The following PDE1A variants were observed in gnomAD, a reference collection of about 807,000 sequenced individuals.
The protein encoded by PDE1A is phosphodiesterase 1A.
Under a neutral mutation model 61.7 loss-of-function variants are expected in PDE1A, and 35 were observed. The ratio of observed to expected loss-of-function variants is 0.57; its 90% CI spans 0.43 to 0.75. The LOEUF (loss-of-function observed/expected upper bound fraction) is 0.75. Ranked by LOEUF, PDE1A falls within the 30% of genes least tolerant of loss-of-function variation. The pLI is 0.00. For missense variants in PDE1A, 597 were observed against 630.6 expected, an observed-to-expected ratio of 0.95 and a Z score of 0.57; for synonymous variants, 232 against 213.2, an observed-to-expected ratio of 1.09 and a Z score of -0.77.
intron 2 of PDE1A, among the ~76,000 whole-genome samples, chr2:182,253,227 G>C (rs1398415305): frequency 6.6e-6 from 1 of 152,194 alleles, no homozygotes; most frequent in African/African-American, 2.4e-5. Context: ...CTACCTGGCT[G>C]TAAGAATGCT....
the PDE1A span, among the ~76,000 whole-genome samples, chr2:182,628,480 T>C: frequency 4.6e-5 from 7 of 152,164 alleles, no homozygotes; most frequent in African/African-American, 7.2e-5. Context: ...AACACCATGT[T>C]AGAATGGATG....
At chr2:182,343,873 CT>C (rs11300978) in intron 1 of PDE1A, among the ~76,000 whole-genome samples, 121,669 of 129,864 alleles carry the variant, frequency 0.94, 56,762 homozygotes, top group South Asian at 0.96. Context: ...TTTTCTTTTT[CT>C]TTTTTTTTTT....
intron 1 of PDE1A, among the ~76,000 whole-genome samples, chr2:182,407,564 T>C (rs866661517): frequency 5.3e-5 from 8 of 152,168 alleles, no homozygotes; most frequent in Middle Eastern, 6.8e-3. Context: ...GTGTTTTTAG[T>C]AGAGACAGGG....
exon 2 of PDE1A, chr2:182,264,363 G>A: frequency 6.2e-7 from 1 of 1,613,722 alleles, no homozygotes. Context: ...TCTTCTTTAA[G>A]TCGACGACGT....
At chr2:182,681,515 C>CA in the PDE1A span, among the ~76,000 whole-genome samples, 2 of 148,726 alleles carry the variant, frequency 1.3e-5, no homozygotes, top group South Asian at 4.2e-4. Context: ...AAAAACCTGA[C>CA]AGCTGAAGAC....
intron 3 of PDE1A, among the ~76,000 whole-genome samples, chr2:182,238,161 C>G (rs1690190008): frequency 6.7e-6 from 1 of 149,412 alleles, no homozygotes; most frequent in Non-Finnish European, 1.5e-5. Context: ...CCCAGCTACT[C>G]GGGAGGCTGA....
chr2:182,421,455 C>G (rs1311282148), intron 1 of PDE1A, among the ~76,000 whole-genome samples: 3 of 152,128 alleles, frequency 2.0e-5, no homozygotes, highest in Non-Finnish European at 2.9e-5. Context: ...ATGCATATAG[C>G]TTGCCTAAAA....
At chr2:182,224,030 A>C (rs1688945320) in intron 6 of PDE1A, 66 bp from the exon 7 acceptor site, 2 of 1,040,920 alleles carry the variant, frequency 1.9e-6, no homozygotes, top group Admixed American at 4.1e-5. Context: ...TTCTTTGAAA[A>C]GGACTTTCAG....
intron 13 of PDE1A, among the ~76,000 whole-genome samples, chr2:182,184,053 A>AGAAC (rs1309005153): frequency 2.2e-5 from 3 of 138,044 alleles, no homozygotes; most frequent in East Asian, 2.2e-4. Flanking sequence ...AAAGAAAGAA[A>AGAAC]GAACAATTAA....
chr2:182,218,394 A>G (rs971512159), intron 7 of PDE1A, among the ~76,000 whole-genome samples: 2 of 147,526 alleles, frequency 1.4e-5, no homozygotes, highest in African/African-American at 5.0e-5. Flanking sequence ...CAATGTGCAC[A>G]TGTTCCCTAA....
chr2:182,630,661 G>A, the PDE1A span, among the ~76,000 whole-genome samples: 2 of 151,562 alleles, frequency 1.3e-5, no homozygotes, highest in African/African-American at 4.9e-5. Context: ...TCATTTTTAT[G>A]TAAACATTTA....
chr2:182,460,447 C>T (rs937408020), intron 2 of PDE1A, among the ~76,000 whole-genome samples: 1 of 152,136 alleles, frequency 6.6e-6, no homozygotes, highest in African/African-American at 2.4e-5. Context: ...CTATGTTTCC[C>T]AGGCTTGCCT....
At chr2:182,698,345 G>A in the PDE1A span, among the ~76,000 whole-genome samples, 1 of 151,512 alleles carries the variant, frequency 6.6e-6, no homozygotes, top group Middle Eastern at 3.4e-3. Context: ...GTATCTTAAG[G>A]TAAGAAATCT....
chr2:182,484,785 T>A (rs945602602), intron 2 of PDE1A, among the ~76,000 whole-genome samples: 1 of 151,850 alleles, frequency 6.6e-6, no homozygotes, highest in African/African-American at 2.4e-5. Context: ...TCACTGATTA[T>A]TACAGAATGC....
chr2:182,165,857 T>C (rs568985765), downstream of PDE1A, among the ~76,000 whole-genome samples: 10 of 152,342 alleles, frequency 6.6e-5, no homozygotes, highest in East Asian at 1.9e-4. Context: ...TTTTCTCTTT[T>C]TCCTTTATCA....
the PDE1A span, among the ~76,000 whole-genome samples, chr2:182,653,772 C>T: frequency 6.6e-6 from 1 of 152,172 alleles, no homozygotes; most frequent in Admixed American, 6.5e-5. Context: ...GCCCACTCAT[C>T]CTGGCTGATC....
chr2:182,641,019 C>CAAAAAA, the PDE1A span, among the ~76,000 whole-genome samples: 1 of 61,324 alleles, frequency 1.6e-5, no homozygotes. Flanking sequence ...GACTCCATCT[C>CAAAAAA]AAAAAAAAAA....
At chr2:182,684,857 T>C in the PDE1A span, among the ~76,000 whole-genome samples, 1 of 152,160 alleles carries the variant, frequency 6.6e-6, no homozygotes, top group African/African-American at 2.4e-5. Flanking sequence ...AAATTATTAA[T>C]TTCTTAAATG....
At chr2:182,475,263 G>A (rs1000824339) in intron 2 of PDE1A, among the ~76,000 whole-genome samples, 2 of 151,994 alleles carry the variant, frequency 1.3e-5, no homozygotes, top group South Asian at 4.1e-4. Context: ...CAAGATGAGT[G>A]CCATCTGGGA....
Sources: gnomAD v4.1 joint callset for allele counts (sites outside exome capture counted in the v4.1 genomes callset) on GRCh38, gnomAD v4.1.1 for gene constraint, MANE v1.5 for transcripts, NCBI Gene and HGNC (gene_info 2026-07-23, HGNC 2026-07-21) for gene names.